FRK: variants seen among roughly 807,000 people sequenced by gnomAD.
The protein encoded by FRK is tyrosine-protein kinase FRK.
In FRK, 51 loss-of-function variants were observed where a neutral mutation model predicts 56.4. The ratio of observed to expected loss-of-function variants is 0.90; its 90% confidence interval spans 0.72 to 1.14. FRK has a LOEUF of 1.14. Ranked by LOEUF, FRK falls within the 50% of genes most tolerant of loss-of-function variation. The pLI is 0.00. For missense variants in FRK, 570 were observed against 601.4 expected (o/e 0.95, Z 0.55); for synonymous variants, 245 against 217.9 (o/e 1.12, Z -1.10).
At chr6:116,020,240 T>A (rs1775815586) in intron 1 of FRK, among the ~76,000 whole-genome samples, 1 of 152,178 alleles carries the variant, frequency 6.6e-6, no homozygotes, top group South Asian at 2.1e-4. Flanking sequence ...ATTTTATTAT[T>A]CTCTAAATAA....
the FRK span, among the ~76,000 whole-genome samples, chr6:116,082,307 C>G: frequency 6.6e-6 from 1 of 152,142 alleles, no homozygotes; most frequent in South Asian, 2.1e-4. Context: ...CTAAAAGCCA[C>G]TGGAAGGATA....
At chr6:115,980,333 TAGCAGCAAGAAAAATATGTA>T (rs1271686599) in intron 2 of FRK, among the ~76,000 whole-genome samples, 1 of 149,796 alleles carries the variant, frequency 6.7e-6, no homozygotes, top group Non-Finnish European at 1.5e-5. Context: ...AAAAATTATC[TAGCAGCAAGAAAAATATGTA>T]AAATGTATTA....
chr6:115,958,631 A>AAAGGAAGG (rs1472288072), intron 4 of FRK, among the ~76,000 whole-genome samples: 2 of 7,732 alleles, frequency 2.6e-4, no homozygotes, highest in Non-Finnish European at 1.9e-3. Context: ...CTGTCTCAAA[A>AAAGGAAGG]AAGGAAAGAA....
At chr6:116,064,173 A>G (rs1777712683), upstream of FRK, among the ~76,000 whole-genome samples, 4 of 152,142 alleles carry the variant, frequency 2.6e-5, no homozygotes, top group African/African-American at 7.2e-5. Flanking sequence ...TCCCTGCTGC[A>G]CCTCTGCATC....
intron 2 of FRK, among the ~76,000 whole-genome samples, chr6:115,991,818 T>C (rs541411283): frequency 6.6e-6 from 1 of 151,800 alleles, no homozygotes; most frequent in Admixed American, 6.6e-5. Flanking sequence ...TCCTCCTCAA[T>C]TTTTTTGAAT....
chr6:115,994,691 T>C (rs1451510206), intron 2 of FRK, among the ~76,000 whole-genome samples: 1 of 152,100 alleles, frequency 6.6e-6, no homozygotes, highest in Admixed American at 6.6e-5. Context: ...TGATGGTGTT[T>C]GGAGGTGAAG....
chr6:116,014,477 A>G (rs1268480113), intron 1 of FRK, among the ~76,000 whole-genome samples: 1 of 152,118 alleles, frequency 6.6e-6, no homozygotes, highest in Non-Finnish European at 1.5e-5. Flanking sequence ...TAAAAAAATG[A>G]AAGACAAGGG....
chr6:115,971,502 A>G (rs1773804244), intron 2 of FRK, among the ~76,000 whole-genome samples: 1 of 152,200 alleles, frequency 6.6e-6, no homozygotes, highest in Admixed American at 6.5e-5. Context: ...TAATGCAAAC[A>G]ATACACAGAA....
intron 5 of FRK, among the ~76,000 whole-genome samples, chr6:115,950,434 A>T (rs1284715383): frequency 6.6e-6 from 1 of 152,230 alleles, no homozygotes; most frequent in Non-Finnish European, 1.5e-5. Context: ...AAAGCTCATC[A>T]TCACTAGAGA....
intron 1 of FRK, among the ~76,000 whole-genome samples, chr6:116,022,960 G>A (rs1267100961): frequency 1.7e-4 from 26 of 152,092 alleles, no homozygotes; most frequent in Admixed American, 1.7e-3. Flanking sequence ...CGAACTCCAA[G>A]TATGTCCAGA....
chr6:115,997,259 T>G (rs1774875774), intron 2 of FRK, among the ~76,000 whole-genome samples: 1 of 152,186 alleles, frequency 6.6e-6, no homozygotes, highest in Non-Finnish European at 1.5e-5. Context: ...AATATGCTTA[T>G]TTTTCCATTA....
chr6:115,968,014 C>G (rs2114601744), intron 3 of FRK, among the ~76,000 whole-genome samples: 1 of 152,234 alleles, frequency 6.6e-6, no homozygotes, highest in East Asian at 1.9e-4. Flanking sequence ...TACCTCTTCG[C>G]CTAGCTAAAT....
At position 115,998,191 on chromosome 6, in the gene FRK, T is replaced by A. The variant is rs184954238; in HGVS notation, c.466+5686A>T. On this transcript the variant is annotated intron_variant, in intron 2 of 7. Coordinates refer to ENST00000606080, the MANE Select transcript of FRK (RefSeq NM_002031.3). The stretch of plus-strand genomic sequence containing the variant: ...TGATGGACTCTGCTCATCTTGCACC[T>A]ATAATTTCAAACAGCAACTAGTGAT... 3.3e-5 allele frequency among the ~76,000 whole-genome samples: 5 copies of A among 152,332 alleles called. No homozygotes were observed. In the East Asian group the frequency reaches 9.7e-4, roughly 29 times the overall value.
At chr6:116,016,756 A>G (rs1270379134) in intron 1 of FRK, among the ~76,000 whole-genome samples, 3 of 152,038 alleles carry the variant, frequency 2.0e-5, no homozygotes, top group Non-Finnish European at 4.4e-5. Flanking sequence ...TCTTTTTAAT[A>G]ATTTAGCCCT....
In FRK at chr6:116,016,794, C is replaced by G. The variant is rs1743193621; in HGVS notation, c.345-12796G>C. Among the ~76,000 whole-genome samples the G allele has an allele frequency of 2.6e-5, 4 of 152,182 alleles. No individual in the cohort carries two copies. The South Asian group carries it at 8.3e-4, about 32-fold the overall frequency. On this transcript the variant is annotated intron_variant, in intron 1 of 7. Transcript: ENST00000606080. ...ATACCCAGATACTCACTAAGCATTA[C>G]TATCATGAATAATTACCAATAATAA...
At chr6:115,961,330 A>G (rs1773352938) in intron 4 of FRK, among the ~76,000 whole-genome samples, 1 of 114,974 alleles carries the variant, frequency 8.7e-6, no homozygotes, top group South Asian at 3.7e-4. Flanking sequence ...TGAAGCAAGA[A>G]GGGAAGTTTA....
intron 1 of FRK, among the ~76,000 whole-genome samples, chr6:116,040,645 T>G (rs955922155): frequency 6.6e-6 from 1 of 152,126 alleles, no homozygotes; most frequent in African/African-American, 2.4e-5. Context: ...CATAAATTAT[T>G]CCTCACCCAT....
At chr6:116,031,435 G>A (rs764650260) in intron 1 of FRK, among the ~76,000 whole-genome samples, 6 of 152,138 alleles carry the variant, frequency 3.9e-5, no homozygotes, top group Non-Finnish European at 7.4e-5. Context: ...GTGAATTTCA[G>A]AGAGGAGGAA....
rs193263771 is a variant in FRK, at chr6:115,994,137, G to A, written c.466+9740C>T. Among the ~76,000 whole-genome samples the A allele has an allele frequency of 2.1e-4, 32 of 152,026 alleles. No homozygotes were observed. In the East Asian group the frequency reaches 4.6e-3, roughly 22 times the overall value. On this transcript the variant is annotated intron_variant, in intron 2 of 7. Transcript: ENST00000606080. ...AAAAAGTTCTATTTCTTTGCCATAA[G>A]ACTTATCAGAGACTTTAGTATGCTT...
Sources: gnomAD v4.1 joint callset for allele counts (sites outside exome capture counted in the v4.1 genomes callset) on GRCh38, gnomAD v4.1.1 for gene constraint, MANE v1.5 for transcripts, NCBI Gene and HGNC (gene_info 2026-07-23, HGNC 2026-07-21) for gene names.